CNTNAP4: variants seen among roughly 807,000 people sequenced by gnomAD.
CNTNAP4 encodes the protein contactin-associated protein-like 4.
CNTNAP4 carries 98 observed loss-of-function variants against 148.4 expected under a neutral mutation model. The ratio of observed to expected loss-of-function variants is 0.66; its 90% CI spans 0.56 to 0.78. CNTNAP4 has a LOEUF of 0.78. CNTNAP4 is among the 30% of genes least tolerant of loss of function. The pLI is 0.00. For missense variants in CNTNAP4, 1,935 were observed against 1,565.6 expected, an observed-to-expected ratio of 1.24 and a Z score of -3.98; for synonymous variants, 730 against 565.1, an observed-to-expected ratio of 1.29 and a Z score of -4.14.
rs1378140438 is a variant in CNTNAP4 at position 76,401,718 on chromosome 16, A to G, written c.391-25734A>G. On this transcript the variant is annotated intron_variant, in intron 3 of 23. Transcript: ENST00000611870. ...CTTTTATTTTGAAGTATGTTCCTTC[A>G]ATACCTAGTTTATTGAGGATTTTTT... Among the ~76,000 whole-genome samples the G allele has an allele frequency of 2.0e-5, 3 of 152,142 alleles. No individual in the cohort carries two copies. The East Asian group carries it at 5.8e-4, about 29-fold the overall frequency.
At chr16:76,415,524 A>G (rs1358735783) in intron 3 of CNTNAP4, among the ~76,000 whole-genome samples, 2 of 151,156 alleles carry the variant, frequency 1.3e-5, no homozygotes. Context: ...CATGTTTTAT[A>G]GTACAATACT....
chr16:76,312,340 G>A (rs1425186369), intron 1 of CNTNAP4, among the ~76,000 whole-genome samples: 1 of 152,166 alleles, frequency 6.6e-6, no homozygotes, highest in African/African-American at 2.4e-5. Flanking sequence ...ACCTCTGGTT[G>A]AGAACCTCTG....
At chr16:76,343,193 G>T (rs1597257710) in intron 2 of CNTNAP4, among the ~76,000 whole-genome samples, 1 of 151,434 alleles carries the variant, frequency 6.6e-6, no homozygotes, top group African/African-American at 2.4e-5. Flanking sequence ...TTATGACTCA[G>T]TGGATCAATA....
intron 21 of CNTNAP4, among the ~76,000 whole-genome samples, chr16:76,546,045 G>T (rs1389305124): frequency 1.4e-5 from 2 of 143,352 alleles, no homozygotes; most frequent in Non-Finnish European, 3.1e-5. Flanking sequence ...AAAAAAAAAA[G>T]AAAAACTAAA....
chr16:76,351,719 CTG>C (rs1005899814), intron 2 of CNTNAP4, among the ~76,000 whole-genome samples: 1 of 152,172 alleles, frequency 6.6e-6, no homozygotes, highest in Non-Finnish European at 1.5e-5. Context: ...GGTCAATTAA[CTG>C]TGAATGTTTC....
chr16:76,398,000 A>ATG (rs2078273032), intron 3 of CNTNAP4, among the ~76,000 whole-genome samples: 10 of 99,736 alleles, frequency 1.0e-4, no homozygotes, highest in African/African-American at 3.5e-4. Context: ...ATATATATAT[A>ATG]TGGAGTTTAT....
At chr16:76,361,357 C>G (rs1264242559) in intron 3 of CNTNAP4, among the ~76,000 whole-genome samples, 1 of 152,108 alleles carries the variant, frequency 6.6e-6, no homozygotes, top group African/African-American at 2.4e-5. Flanking sequence ...ATAGATTTGA[C>G]TATTTTAGAT....
chr16:76,375,712 T>C (rs722229), intron 3 of CNTNAP4, among the ~76,000 whole-genome samples: 1 of 152,168 alleles, frequency 6.6e-6, no homozygotes, highest in Admixed American at 6.5e-5. Flanking sequence ...CATGAACACA[T>C]TGTCTCATTT....
At chr16:76,374,573 G>C (rs2015210135) in intron 3 of CNTNAP4, among the ~76,000 whole-genome samples, 1 of 151,932 alleles carries the variant, frequency 6.6e-6, no homozygotes, top group Admixed American at 6.5e-5. Context: ...AAATTGGTCT[G>C]TCCAGCCTTC....
At chr16:76,457,046 G>C (rs2080761430) in intron 8 of CNTNAP4, among the ~76,000 whole-genome samples, 5 of 152,150 alleles carry the variant, frequency 3.3e-5, no homozygotes, top group Admixed American at 3.3e-4. Flanking sequence ...TTCCTCCCCA[G>C]ACTTAAAAGT....
intron 3 of CNTNAP4, among the ~76,000 whole-genome samples, chr16:76,387,396 TTGAC>T (rs1161657751): frequency 2.0e-5 from 3 of 152,242 alleles, no homozygotes; most frequent in African/African-American, 4.8e-5. Flanking sequence ...ATAAAACTGA[TTGAC>T]TGATTTTGTA....
At chr16:76,525,959 A>G (rs73621219) in intron 17 of CNTNAP4, among the ~76,000 whole-genome samples, 8,700 of 151,480 alleles carry the variant, frequency 0.057, 453 homozygotes, top group East Asian at 0.27. Context: ...ATATATCATC[A>G]TATGTATGTA....
intron 4 of CNTNAP4, among the ~76,000 whole-genome samples, chr16:76,429,183 T>G (rs1455633387): frequency 6.6e-6 from 1 of 152,140 alleles, no homozygotes; most frequent in Non-Finnish European, 1.5e-5. Context: ...TATACCTGAA[T>G]AAAATCACGC....
At chr16:76,429,007 A>G (rs750069789) in intron 4 of CNTNAP4, among the ~76,000 whole-genome samples, 13 of 152,178 alleles carry the variant, frequency 8.5e-5, no homozygotes, top group African/African-American at 4.8e-5. Context: ...AAGTTTGCCA[A>G]ACTCCAGAAA....
chr16:76,532,739 C>G (rs1301075042), intron 17 of CNTNAP4, among the ~76,000 whole-genome samples: 1 of 152,048 alleles, frequency 6.6e-6, no homozygotes, highest in African/African-American at 2.4e-5. Flanking sequence ...TGGACCTTAC[C>G]CAGGGAAGAA....
chr16:76,484,893 T>C (rs2143723418), intron 12 of CNTNAP4, among the ~76,000 whole-genome samples: 1 of 152,274 alleles, frequency 6.6e-6, no homozygotes, highest in African/African-American at 2.4e-5. Flanking sequence ...AAAAATCCAG[T>C]TTTTAGTCTA....
At chr16:76,517,646 TC>T (rs1030266222) in intron 15 of CNTNAP4, among the ~76,000 whole-genome samples, 1 of 152,232 alleles carries the variant, frequency 6.6e-6, no homozygotes, top group African/African-American at 2.4e-5. Flanking sequence ...TAAATACTGT[TC>T]CTTTATAAAC....
At chr16:76,497,196 T>C (rs9319499) in intron 14 of CNTNAP4, among the ~76,000 whole-genome samples, 127,536 of 152,162 alleles carry the variant, frequency 0.84, 54,342 homozygotes, top group East Asian at 0.97. Context: ...TGTTTACTTT[T>C]ATTATAAAGT....
intron 15 of CNTNAP4, 56 bp downstream of exon 15, chr16:76,498,750 T>A: frequency 6.8e-7 from 1 of 1,474,366 alleles, no homozygotes; most frequent in Non-Finnish European, 9.1e-7. Flanking sequence ...TGACTTAAAG[T>A]ACCATCACTT....
Sources: gnomAD v4.1 joint callset for allele counts (sites outside exome capture counted in the v4.1 genomes callset) on GRCh38, gnomAD v4.1.1 for gene constraint, MANE v1.5 for transcripts, NCBI Gene and HGNC (gene_info 2026-07-23, HGNC 2026-07-21) for gene names.